The following ORC1 variants were observed in gnomAD, a reference collection of about 807,000 sequenced individuals.
The protein encoded by ORC1 is origin recognition complex, subunit 1 homolog.
In ORC1, 61 loss-of-function variants were observed where a neutral mutation model predicts 98.9. The ratio of observed to expected loss-of-function variants is 0.62; its 90% CI spans 0.50 to 0.76. The LOEUF (loss-of-function observed/expected upper bound fraction) is 0.76, where lower values mean the gene tolerates loss of function less well. Among genes scored for constraint, ORC1 ranks in the 30% least tolerant of loss-of-function variants. The pLI is 0.00. For synonymous variants in ORC1, 385 were observed against 406.9 expected, an observed-to-expected ratio of 0.95 and a Z score of 0.65; for missense variants, 979 against 1,072.2, an observed-to-expected ratio of 0.91 and a Z score of 1.21.
chr1:52,378,702 A>G (rs1196573599), intron 14 of ORC1, among the ~76,000 whole-genome samples: 1 of 151,600 alleles, frequency 6.6e-6, no homozygotes, highest in Non-Finnish European at 1.5e-5. Flanking sequence ...AGACTCTAAA[A>G]GGAAGGGAAG....
rs758661568 is a variant in ORC1 at position 52,373,186 on chromosome 1, C to T, written c.2581G>A (p.Glu861Lys). ...TTTTAACTTGTGAAGCCCCTTTACT[C>T]GTCTTTCAGCGCATACAGCACATCA... ...QDDVLYALKD[E>K] The change falls in exon 17 of 17, where the codon GAG (glutamate) becomes AAG (lysine). Residue 861 changes from glutamate (E) to lysine (K), a missense_variant. Coordinates refer to ENST00000371568, the MANE Select transcript of ORC1 (RefSeq NM_004153.4). 5.0e-6 allele frequency: 8 copies of T among 1,613,876 alleles called. No individual in the cohort carries two copies. In the South Asian group the frequency reaches 6.6e-5, roughly 13 times the overall value.
intron 14 of ORC1, among the ~76,000 whole-genome samples, chr1:52,375,839 C>T (rs1646989016): frequency 1.3e-5 from 2 of 152,332 alleles, no homozygotes; most frequent in South Asian, 4.2e-4. Context: ...CTCAGCTTTA[C>T]TATTCAGGAA....
intron 5 of ORC1, 126 bp downstream of exon 5, chr1:52,395,920 G>C (rs1388424131): frequency 6.7e-7 from 1 of 1,490,948 alleles, no homozygotes; most frequent in Non-Finnish European, 9.1e-7. Context: ...GCTTGAGCAT[G>C]ATCACTTGAG....
upstream of ORC1, among the ~76,000 whole-genome samples, chr1:52,407,948 T>C (rs1648043906): frequency 6.6e-6 from 1 of 152,164 alleles, no homozygotes; most frequent in South Asian, 2.1e-4. Flanking sequence ...CCCAGCTACT[T>C]GGGAGGCTGA....
upstream of ORC1, among the ~76,000 whole-genome samples, chr1:52,406,466 A>G (rs868524372): frequency 1.1e-4 from 16 of 152,322 alleles, no homozygotes; most frequent in South Asian, 2.1e-4. Flanking sequence ...AAACAACAAA[A>G]GGTGGTGGTT....
At chr1:52,380,215 C>T (rs1334731700) in intron 14 of ORC1, among the ~76,000 whole-genome samples, 11 of 152,202 alleles carry the variant, frequency 7.2e-5, no homozygotes, top group Admixed American at 5.9e-4. Flanking sequence ...CTCAGATCAT[C>T]CCACAGCAAA....
chr1:52,379,045 T>A (rs957935910), intron 14 of ORC1, among the ~76,000 whole-genome samples: 6 of 151,394 alleles, frequency 4.0e-5, no homozygotes, highest in East Asian at 2.0e-4. Context: ...AAAAAAAAAT[T>A]ATAATAATAA....
rs754970813 is a variant in ORC1 at position 52,401,564 on chromosome 1, G to A, written c.96-75C>T. On this transcript the variant is annotated intron_variant, in intron 2 of 16. Transcript: ENST00000371568. The stretch of plus-strand genomic sequence containing the variant: ...GCTCTTCAGATCCCCTGGGCACAAA[G>A]GAGAGGGCTCTCCAATCCTGATTTC... 167 of 1,535,530 alleles carry A rather than the reference G, an allele frequency of 1.1e-4. No individual in the cohort carries two copies. In the Middle Eastern group the frequency reaches 1.9e-3, roughly 17 times the overall value.
chr1:52,385,750 T>G (rs921966559), intron 9 of ORC1, 102 bp downstream of exon 9: 1 of 793,632 alleles, frequency 1.3e-6, no homozygotes, highest in South Asian at 1.4e-5. Context: ...ACACAGTGTA[T>G]CTACCTTTAT....
upstream of ORC1, chr1:52,404,556 C>G: frequency 1.8e-6 from 1 of 542,224 alleles, no homozygotes; most frequent in South Asian, 2.2e-5. Flanking sequence ...TAACATGCAG[C>G]CGCCATCATT....
At position 52,373,155 on chromosome 1, in the gene ORC1, C is replaced by T; in HGVS notation, c.*26G>A. 6.2e-7 allele frequency: 1 copy of T among 1,611,102 alleles called. No individual in the cohort carries two copies. The highest frequency in any genetic ancestry group is 1.3e-5 in the African/African-American group (1 of 74,978). ...TCAAAAAACAAAACCCAGCAAGACC[C>T]CAGTCTTTTAACTTGTGAAGCCCCT... is the stretch of plus-strand genomic sequence containing the variant. On this transcript the variant is annotated 3_prime_UTR_variant, in exon 17 of 17. Coordinates refer to ENST00000371568, the MANE Select transcript of ORC1 (RefSeq NM_004153.4).
At chr1:52,391,062 G>A (rs143537874) in intron 6 of ORC1, among the ~76,000 whole-genome samples, 1,523 of 152,040 alleles carry the variant, frequency 0.01, 20 homozygotes, top group African/African-American at 0.035. Context: ...TGTAATCCCA[G>A]TACTTTGGGA....
chr1:52,379,573 A>C (rs1052552026), intron 14 of ORC1, among the ~76,000 whole-genome samples: 14 of 152,114 alleles, frequency 9.2e-5, no homozygotes, highest in Admixed American at 2.6e-4. Context: ...TGTGGTTGAA[A>C]GTTAAAAAAA....
chr1:52,397,039 A>T (rs1029936854), intron 4 of ORC1, among the ~76,000 whole-genome samples: 5 of 152,154 alleles, frequency 3.3e-5, no homozygotes, highest in Non-Finnish European at 5.9e-5. Context: ...CAACTTTTGC[A>T]TCTGCCTCAC....
intron 3 of ORC1, among the ~76,000 whole-genome samples, chr1:52,399,567 TG>T (rs1222794398): frequency 7.9e-6 from 1 of 126,336 alleles, no homozygotes; most frequent in Admixed American, 9.7e-5. Flanking sequence ...GAGCTTGCAG[TG>T]AGCCGAGATG....
At chr1:52,385,525 G>C (rs932087162) in intron 9 of ORC1, among the ~76,000 whole-genome samples, 2 of 152,100 alleles carry the variant, frequency 1.3e-5, no homozygotes, top group Non-Finnish European at 2.9e-5. Flanking sequence ...ACAGGATCCA[G>C]ACTTATATGA....
At chr1:52,405,756 C>G (rs1234025059), upstream of ORC1, 2 of 1,613,910 alleles carry the variant, frequency 1.2e-6, no homozygotes, top group African/African-American at 2.7e-5. Context: ...AACCAACACC[C>G]TTTCTGTGTT....
At chr1:52,396,404 C>T (rs764791881) in intron 4 of ORC1, 40 bp from the exon 5 acceptor site, 2 of 1,612,832 alleles carry the variant, frequency 1.2e-6, no homozygotes, top group South Asian at 2.2e-5. Flanking sequence ...AGAGATGAGC[C>T]CCAAGAGAGC....
intron 1 of ORC1, among the ~76,000 whole-genome samples, chr1:52,402,502 G>A (rs900641446): frequency 1.3e-5 from 2 of 152,184 alleles, no homozygotes; most frequent in East Asian, 3.8e-4. Context: ...CCTAAGAAAT[G>A]AAACTGTAAC....
Sources: gnomAD v4.1 joint callset for allele counts (sites outside exome capture counted in the v4.1 genomes callset) on GRCh38, gnomAD v4.1.1 for gene constraint, MANE v1.5 for transcripts, NCBI Gene and HGNC (gene_info 2026-07-23, HGNC 2026-07-21) for gene names.